The following PGR variants were observed in gnomAD, a reference collection of about 807,000 sequenced individuals.
PGR encodes the protein progesterone receptor.
PGR carries 25 observed loss-of-function variants against 76.1 expected under a neutral mutation model. The observed-to-expected ratio is 0.33, with a 90% CI of 0.24 to 0.46. The LOEUF (loss-of-function observed/expected upper bound fraction) is 0.46. PGR is among the 20% of genes least tolerant of loss of function. The pLI is 1.00. For synonymous variants in PGR, 579 were observed against 535.0 expected, an observed-to-expected ratio of 1.08 and a Z score of -1.14; for missense variants, 1,172 against 1,225.3, an observed-to-expected ratio of 0.96 and a Z score of 0.65.
chr11:101,123,932 C>T (rs1274230718), intron 2 of PGR, among the ~76,000 whole-genome samples: 1 of 152,206 alleles, frequency 6.6e-6, no homozygotes, highest in Non-Finnish European at 1.5e-5. Flanking sequence ...CCTTCTTTTA[C>T]ATACTTTACA....
At chr11:101,112,255 G>A (rs542590406) in intron 2 of PGR, among the ~76,000 whole-genome samples, 3 of 152,198 alleles carry the variant, frequency 2.0e-5, no homozygotes, top group Admixed American at 6.5e-5. Context: ...TGAAGAGTAA[G>A]TGAAATCAAC....
chr11:101,077,572 G>T (rs921846636), intron 3 of PGR, among the ~76,000 whole-genome samples: 1 of 152,082 alleles, frequency 6.6e-6, no homozygotes, highest in African/African-American at 2.4e-5. Flanking sequence ...ACTTTTTACT[G>T]AGTCTAGAAA....
intron 2 of PGR, among the ~76,000 whole-genome samples, chr11:101,114,412 A>G (rs1750980818): frequency 6.6e-6 from 1 of 152,204 alleles, no homozygotes; most frequent in Non-Finnish European, 1.5e-5. Flanking sequence ...CTCAATTCTC[A>G]TAAGTTATTT....
At position 101,036,361 on chromosome 11, in the gene PGR, G is replaced by C. The variant is rs576790689; in HGVS notation, c.*2755C>G. The C allele has an allele frequency of 4.8e-6, 1 of 208,084 alleles. No homozygotes were observed. Among genetic ancestry groups the C allele is most frequent in the African/African-American group, 2.3e-5 (1 of 44,092 alleles). 12.9% of individuals were successfully genotyped at this position (208,084 alleles called of 1,614,324 possible). The stretch of plus-strand genomic sequence containing the variant: ...TAACTACTGATAATGGAGGTATAAT[G>C]CTTTAGACTCAAATGGCTTTTCAAA... On this transcript the variant is annotated 3_prime_UTR_variant, in exon 8 of 8. Coordinates refer to ENST00000325455, the MANE Select transcript of PGR (RefSeq NM_000926.4).
At chr11:101,100,899 A>T (rs1324438788) in intron 2 of PGR, among the ~76,000 whole-genome samples, 4 of 152,212 alleles carry the variant, frequency 2.6e-5, no homozygotes, top group Non-Finnish European at 5.9e-5. Context: ...AGGTTGAGAA[A>T]TCATGGTATA....
chr11:101,093,623 G>A (rs1342556384), intron 2 of PGR, among the ~76,000 whole-genome samples: 2 of 151,920 alleles, frequency 1.3e-5, no homozygotes, highest in Admixed American at 6.6e-5. Context: ...CCACGCCTGG[G>A]TAATTTTGTA....
At chr11:101,062,063 G>A (rs926707432) in intron 4 of PGR, among the ~76,000 whole-genome samples, 11 of 152,116 alleles carry the variant, frequency 7.2e-5, no homozygotes, top group Non-Finnish European at 1.6e-4. Context: ...TATACATTCA[G>A]TTTTATTTTC....
At chr11:101,040,424 A>C (rs1859659429) in intron 7 of PGR, among the ~76,000 whole-genome samples, 2 of 152,154 alleles carry the variant, frequency 1.3e-5, no homozygotes, top group African/African-American at 2.4e-5. Flanking sequence ...ATCCTGTAGC[A>C]GTTCTTGAGA....
intron 6 of PGR, among the ~76,000 whole-genome samples, chr11:101,048,006 G>T (rs956771038): frequency 1.8e-4 from 27 of 152,086 alleles, no homozygotes; most frequent in African/African-American, 6.0e-4. Context: ...CTTGGAATGT[G>T]GGTGAAAGTG....
In PGR at chr11:101,128,558, C is replaced by T; in HGVS notation, c.513G>A (p.Lys171=). ...CTGCCGTCCCGGAGCTGTCTCCAAC[C>T]TTGCACCCGGACCGGCTCATGAGCG... ...LSPLMSRSGC[K]VGDSSGTAAA... The change falls in exon 1 of 8, where the codon AAG becomes AAA. Residue 171 remains lysine (K), a synonymous_variant. Transcript: ENST00000325455. 6 of 1,599,506 alleles carry T rather than the reference C, an allele frequency of 3.8e-6. No individual in the cohort carries two copies. Among genetic ancestry groups the T allele is most frequent in the South Asian group, 1.1e-5 (1 of 89,592 alleles).
chr11:101,058,816 C>T (rs967381066), intron 4 of PGR, among the ~76,000 whole-genome samples: 2 of 152,176 alleles, frequency 1.3e-5, no homozygotes, highest in Non-Finnish European at 2.9e-5. Context: ...CTATAACTTA[C>T]ACCTCTAAGT....
intron 5 of PGR, chr11:101,051,036 T>C (rs1860070155): frequency 5.2e-6 from 1 of 190,938 alleles, no homozygotes; most frequent in Admixed American, 5.7e-5. Flanking sequence ...ATATTTATCT[T>C]TCAATTTTTT....
chr11:101,069,277 CATGAGA>C (rs1208353304), intron 3 of PGR, among the ~76,000 whole-genome samples: 1 of 152,150 alleles, frequency 6.6e-6, no homozygotes, highest in African/African-American at 2.4e-5. Context: ...CTTCACTGGT[CATGAGA>C]GAAATGCAAA....
intron 2 of PGR, among the ~76,000 whole-genome samples, chr11:101,121,015 C>G (rs1390776028): frequency 6.6e-6 from 1 of 152,116 alleles, no homozygotes; most frequent in Non-Finnish European, 1.5e-5. Flanking sequence ...TTAACCATTT[C>G]TTTTTCAGTA....
intron 2 of PGR, among the ~76,000 whole-genome samples, chr11:101,111,573 C>T (rs981716393): frequency 1.3e-5 from 2 of 152,188 alleles, no homozygotes; most frequent in Non-Finnish European, 2.9e-5. Context: ...GCTGAAATGC[C>T]ATTTCTGGGT....
chr11:101,097,527 AT>A lies in PGR; in HGVS notation c.1790-5652del, dbSNP rs1029637561. ...TTGTGTAAAATACAGCTTGATAAAT[AT>A]TTTTTAGATAGGTGTATATACAATT... On this transcript the variant is annotated intron_variant, in intron 2 of 7. Transcript: ENST00000325455. 3.9e-5 allele frequency among the ~76,000 whole-genome samples: 6 copies of A among 152,190 alleles called. No homozygotes were observed. The South Asian group carries it at 6.2e-4, about 16-fold the overall frequency.
intron 3 of PGR, among the ~76,000 whole-genome samples, chr11:101,088,264 C>T (rs1861559595): frequency 6.6e-6 from 1 of 152,092 alleles, no homozygotes; most frequent in Non-Finnish European, 1.5e-5. Context: ...AAAGGGAATA[C>T]TTATATACTG....
chr11:101,127,502 G>C lies in PGR; in HGVS notation c.1569C>G (p.Leu523=). The C allele has an allele frequency of 6.5e-7, 1 of 1,545,570 alleles. No individual in the cohort carries two copies. Among genetic ancestry groups the C allele is most frequent in the Non-Finnish European group, 8.7e-7 (1 of 1,150,216 alleles). ...CCTTGAGCACGGCGGCCTGGTAGCC[G>C]AGCTGCGGGAGCCCGTTGAGGCCGA... ...PALGLNGLPQ[L]GYQAAVLKEG... is the part of the protein sequence containing the mutation. The change falls in exon 1 of 8, where the codon CTC becomes CTG. Residue 523 remains leucine, a synonymous_variant. Transcript: ENST00000325455.
At chr11:101,061,260 T>A (rs1591380168) in intron 4 of PGR, among the ~76,000 whole-genome samples, 1 of 152,328 alleles carries the variant, frequency 6.6e-6, no homozygotes, top group East Asian at 1.9e-4. Context: ...AATTATTGTC[T>A]GTTTAAGGCC....
Sources: gnomAD v4.1 joint callset for allele counts (sites outside exome capture counted in the v4.1 genomes callset) on GRCh38, gnomAD v4.1.1 for gene constraint, MANE v1.5 for transcripts, NCBI Gene and HGNC (gene_info 2026-07-23, HGNC 2026-07-21) for gene names.